ZBTB20: variants seen among roughly 807,000 people sequenced by gnomAD.
ZBTB20 encodes the protein zinc finger and BTB domain containing 20, also known as zinc finger and BTB domain-containing protein 20.
Under a neutral mutation model 56.9 loss-of-function variants are expected in ZBTB20, and 9 were observed. That is an observed-to-expected ratio of 0.16 (90% confidence interval 0.10 to 0.28). The LOEUF (loss-of-function observed/expected upper bound fraction) is 0.28, where lower values mean the gene tolerates loss of function less well. Among genes scored for constraint, ZBTB20 ranks in the 10% least tolerant of loss-of-function variants. The pLI is 1.00. For synonymous variants in ZBTB20, 417 were observed against 420.7 expected (o/e 0.99, Z 0.11); for missense variants, 655 against 1,003.0 (o/e 0.65, Z 4.69).
chr3:114,522,018 A>T (rs2046696200), intron 6 of ZBTB20, among the ~76,000 whole-genome samples: 1 of 149,100 alleles, frequency 6.7e-6, no homozygotes, highest in Non-Finnish European at 1.5e-5. Flanking sequence ...TAGAGCATAG[A>T]ACAGGCAAAA....
intron 1 of ZBTB20, among the ~76,000 whole-genome samples, chr3:115,125,018 A>T (rs1435690020): frequency 6.6e-6 from 1 of 151,810 alleles, no homozygotes; most frequent in Non-Finnish European, 1.5e-5. Flanking sequence ...GTACCCCTGA[A>T]CTTAAAGTTT....
At chr3:114,433,649 T>A (rs1244117072) in intron 7 of ZBTB20, among the ~76,000 whole-genome samples, 1 of 152,214 alleles carries the variant, frequency 6.6e-6, no homozygotes, top group Non-Finnish European at 1.5e-5. Context: ...TTGAGGGGGA[T>A]ACAACTGTGT....
At chr3:114,876,875 T>C (rs1275738091) in intron 4 of ZBTB20, among the ~76,000 whole-genome samples, 2 of 152,186 alleles carry the variant, frequency 1.3e-5, no homozygotes, top group African/African-American at 4.8e-5. Flanking sequence ...AATGCTTCCA[T>C]AATATTTTAT....
At chr3:115,017,352 T>C (rs1309423712) in intron 2 of ZBTB20, among the ~76,000 whole-genome samples, 1 of 151,590 alleles carries the variant, frequency 6.6e-6, no homozygotes, top group East Asian at 1.9e-4. Context: ...CAAGGACAGC[T>C]ACAAACCACT....
chr3:114,564,300 A>G (rs1297106630), intron 6 of ZBTB20, among the ~76,000 whole-genome samples: 3 of 152,076 alleles, frequency 2.0e-5, no homozygotes, highest in Admixed American at 1.3e-4. Flanking sequence ...TTTGCCATCT[A>G]AGGCAACATA....
intron 4 of ZBTB20, among the ~76,000 whole-genome samples, chr3:114,869,463 T>C (rs1413161987): frequency 6.6e-6 from 1 of 152,122 alleles, no homozygotes. Context: ...TCAGAGATAT[T>C]TTATTGGTTT....
At chr3:114,499,257 C>T (rs1351272763) in intron 7 of ZBTB20, among the ~76,000 whole-genome samples, 1 of 152,162 alleles carries the variant, frequency 6.6e-6, no homozygotes, top group Non-Finnish European at 1.5e-5. Context: ...GGAGTTTAAT[C>T]AATCTCCTTT....
In ZBTB20 at chr3:114,316,947, T is replaced by C. The variant is rs573524315; in HGVS notation, c.*22058A>G. 1.5e-4 allele frequency: 30 copies of C among 196,684 alleles called. No individual in the cohort carries two copies. In the South Asian group the frequency reaches 2.2e-3, roughly 15 times the overall value. The allele number at this position is 196,684 out of a possible 1,614,324, so 12.2% of individuals were successfully genotyped here. On this transcript the variant is annotated 3_prime_UTR_variant, in exon 12 of 12. Transcript: ENST00000675478. ...AGCTCAGATGAGGAAGAATGAAGTATTGTGTTTACGTATCAAAATTGCTAA... is the reference window on the plus strand; with the variant it reads ...AGCTCAGATGAGGAAGAATGAAGTACTGTGTTTACGTATCAAAATTGCTAA...
chr3:114,576,009 G>A (rs2053975414), intron 6 of ZBTB20, among the ~76,000 whole-genome samples: 1 of 152,184 alleles, frequency 6.6e-6, no homozygotes, highest in Admixed American at 6.5e-5. Flanking sequence ...TTCATCAGCA[G>A]CAATGAGAGC....
chr3:114,834,010 T>G (rs2073993327), intron 4 of ZBTB20, among the ~76,000 whole-genome samples: 1 of 152,128 alleles, frequency 6.6e-6, no homozygotes, highest in African/African-American at 2.4e-5. Context: ...CAAAGCAATC[T>G]CACTAACTAA....
chr3:114,565,875 G>C (rs1374678761), intron 6 of ZBTB20, among the ~76,000 whole-genome samples: 2 of 152,056 alleles, frequency 1.3e-5, no homozygotes, highest in Non-Finnish European at 2.9e-5. Context: ...GCAAATGTAA[G>C]GGAAACACCT....
intron 6 of ZBTB20, among the ~76,000 whole-genome samples, chr3:114,619,921 C>T (rs1380782647): frequency 6.6e-6 from 1 of 152,168 alleles, no homozygotes; most frequent in Non-Finnish European, 1.5e-5. Flanking sequence ...CATGCCTTTC[C>T]ATAACTGACA....
At position 115,059,970 on chromosome 3, in the gene ZBTB20, A is replaced by G. The variant is rs578186362; in HGVS notation, c.-507+11249T>C. ...GAATTTATTCAGTGTTTCATCTTTG[A>G]ATAACCTGAAAATTGTATAGTAATT... On this transcript the variant is annotated intron_variant, in intron 2 of 11. Coordinates refer to ENST00000675478, the MANE Select transcript of ZBTB20 (RefSeq NM_001348800.3). Among the ~76,000 whole-genome samples, 24 of 152,310 alleles carry G rather than the reference A, an allele frequency of 1.6e-4. No individual in the cohort carries two copies. In the South Asian group the frequency reaches 4.6e-3, roughly 29 times the overall value.
intron 2 of ZBTB20, among the ~76,000 whole-genome samples, chr3:115,046,400 C>A (rs1008624791): frequency 2.6e-5 from 4 of 152,132 alleles, no homozygotes; most frequent in Admixed American, 6.5e-5. Context: ...AATAATGTGG[C>A]ATCAATTCCT....
chr3:114,702,539 T>C (rs1453414235), intron 5 of ZBTB20, among the ~76,000 whole-genome samples: 1 of 152,160 alleles, frequency 6.6e-6, no homozygotes, highest in East Asian at 1.9e-4. Flanking sequence ...ACAGTAAATA[T>C]GTTACACCAG....
At chr3:114,911,204 C>A (rs2075524288) in intron 3 of ZBTB20, among the ~76,000 whole-genome samples, 1 of 151,906 alleles carries the variant, frequency 6.6e-6, no homozygotes, top group African/African-American at 2.4e-5. Flanking sequence ...CCTAAGAAGG[C>A]CATTTTGAGA....
chr3:114,570,921 T>C (rs1205939977), intron 6 of ZBTB20, among the ~76,000 whole-genome samples: 2 of 152,322 alleles, frequency 1.3e-5, no homozygotes, highest in African/African-American at 2.4e-5. Flanking sequence ...GGTGTGTTAT[T>C]ACAACTATAT....
At chr3:114,599,466 A>C (rs879039201) in intron 6 of ZBTB20, 1 of 152,098 alleles carries the variant, frequency 6.6e-6, no homozygotes, top group East Asian at 1.9e-4. Context: ...TTTTCTGAAG[A>C]AGGGTATGAA....
chr3:114,776,839 C>A (rs1381272754), intron 5 of ZBTB20, among the ~76,000 whole-genome samples: 2 of 152,154 alleles, frequency 1.3e-5, no homozygotes, highest in Non-Finnish European at 2.9e-5. Context: ...GGAACTAAAA[C>A]AGGGCAAAGA....
Sources: allele counts gnomAD v4.1 joint callset (sites outside exome capture counted in the v4.1 genomes callset), GRCh38; gene constraint gnomAD v4.1.1; transcripts MANE v1.5; gene names NCBI Gene and HGNC (gene_info 2026-07-23, HGNC 2026-07-21).